Variants in RAD51B observed in about 807,000 individuals in gnomAD.
RAD51B encodes DNA repair protein RAD51 homolog 2.
In RAD51B, 38 loss-of-function variants were observed where a neutral mutation model predicts 42.2. That is an observed-to-expected ratio of 0.90 (90% CI 0.70 to 1.18). RAD51B has a LOEUF of 1.18. Among genes scored for constraint, RAD51B ranks in the 50% most tolerant of loss-of-function variants. The pLI is 0.00. For synonymous variants in RAD51B, 154 were observed against 145.2 expected, an observed-to-expected ratio of 1.06 and a Z score of -0.43; for missense variants, 373 against 400.7, an observed-to-expected ratio of 0.93 and a Z score of 0.59.
At chr14:68,282,967 G>A (rs1453208226) in intron 7 of RAD51B, among the ~76,000 whole-genome samples, 1 of 152,168 alleles carries the variant, frequency 6.6e-6, no homozygotes, top group Non-Finnish European at 1.5e-5. Context: ...AGGCTGAAGG[G>A]TATCAATGTT....
intron 10 of RAD51B, chr14:68,594,401 C>T: frequency 1.6e-6 from 2 of 1,272,882 alleles, no homozygotes; most frequent in Non-Finnish European, 2.1e-6. Context: ...TCTTCCTCAA[C>T]CATCCTCTTC....
intron 7 of RAD51B, among the ~76,000 whole-genome samples, chr14:68,032,444 C>G (rs532920045): frequency 6.6e-6 from 1 of 152,192 alleles, no homozygotes; most frequent in African/African-American, 2.4e-5. Context: ...TCTTTTCCAC[C>G]CCTTTCTCTC....
chr14:67,899,725 T>A (rs1215648828), intron 7 of RAD51B, among the ~76,000 whole-genome samples: 1 of 152,240 alleles, frequency 6.6e-6, no homozygotes, highest in Non-Finnish European at 1.5e-5. Context: ...TATTGATAAC[T>A]ACTTTTTTTG....
intron 7 of RAD51B, among the ~76,000 whole-genome samples, chr14:68,171,772 T>A (rs1378839671): frequency 6.6e-6 from 1 of 151,946 alleles, no homozygotes; most frequent in Non-Finnish European, 1.5e-5. Flanking sequence ...AATGGGGCGA[T>A]CTCGGTTCAC....
intron 9 of RAD51B, among the ~76,000 whole-genome samples, chr14:68,418,688 T>G (rs2084621830): frequency 6.6e-6 from 1 of 152,234 alleles, no homozygotes; most frequent in South Asian, 2.1e-4. Context: ...GAAACAGCTA[T>G]GAGATCTCTT....
chr14:67,825,661 GAAATA>G, intron 3 of RAD51B, 84 bp downstream of exon 3: 2 of 978,832 alleles, frequency 2.0e-6, no homozygotes, highest in Non-Finnish European at 2.9e-6. Flanking sequence ...GGCACATGCA[GAAATA>G]GAGATGAGTA....
chr14:68,108,357 G>A (rs551918022), intron 7 of RAD51B, among the ~76,000 whole-genome samples: 1 of 151,942 alleles, frequency 6.6e-6, no homozygotes, highest in South Asian at 2.1e-4. Flanking sequence ...GTCAGAAAGT[G>A]GAAACACCTA....
At chr14:67,891,361 A>T (rs1354143610) in intron 7 of RAD51B, among the ~76,000 whole-genome samples, 1 of 152,126 alleles carries the variant, frequency 6.6e-6, no homozygotes, top group African/African-American at 2.4e-5. Flanking sequence ...TGTGTTCTTG[A>T]TTACATGCCT....
At chr14:67,849,876 T>C (rs763151423) in intron 4 of RAD51B, among the ~76,000 whole-genome samples, 2 of 152,262 alleles carry the variant, frequency 1.3e-5, no homozygotes, top group Non-Finnish European at 2.9e-5. Context: ...TTTCTGAGTT[T>C]CCATTTTGGT....
chr14:68,206,151 G>A (rs1294703220), intron 7 of RAD51B, among the ~76,000 whole-genome samples: 4 of 151,976 alleles, frequency 2.6e-5, no homozygotes, highest in South Asian at 2.1e-4. Flanking sequence ...TTAAAAATTT[G>A]TCTGATGTTT....
At chr14:68,260,659 T>C (rs2080869531) in intron 7 of RAD51B, among the ~76,000 whole-genome samples, 1 of 152,136 alleles carries the variant, frequency 6.6e-6, no homozygotes, top group Admixed American at 6.5e-5. Context: ...TCCCTCCGGG[T>C]ATAGTCAAGA....
chr14:68,562,104 GT>G, intron 10 of RAD51B: 1 of 985,378 alleles, frequency 1.0e-6, no homozygotes, highest in Non-Finnish European at 1.2e-6. Flanking sequence ...CTTTTGGTTT[GT>G]CCTTTTTCTC....
At chr14:67,909,955 C>T (rs2043913326) in intron 7 of RAD51B, among the ~76,000 whole-genome samples, 1 of 152,030 alleles carries the variant, frequency 6.6e-6, no homozygotes, top group South Asian at 2.1e-4. Flanking sequence ...CACATGTGGC[C>T]AAAAAATACT....
chr14:68,319,212 A>G (rs1404762695), intron 8 of RAD51B, among the ~76,000 whole-genome samples: 1 of 152,242 alleles, frequency 6.6e-6, no homozygotes, highest in Non-Finnish European at 1.5e-5. Context: ...ATTCTTGGCC[A>G]CTGTTTAGGG....
chr14:68,593,789 C>T (rs766102722), intron 10 of RAD51B, among the ~76,000 whole-genome samples: 33 of 152,190 alleles, frequency 2.2e-4, no homozygotes, highest in Non-Finnish European at 3.8e-4. Context: ...CCCAGCATTC[C>T]CTCTGTCAAC....
intron 7 of RAD51B, among the ~76,000 whole-genome samples, chr14:68,002,389 T>C (rs2075501519): frequency 6.6e-6 from 1 of 152,188 alleles, no homozygotes; most frequent in African/African-American, 2.4e-5. Context: ...TGTTTTTTTT[T>C]CCTTGTAAAT....
intron 7 of RAD51B, among the ~76,000 whole-genome samples, chr14:67,990,332 T>C (rs1227269500): frequency 6.6e-6 from 1 of 152,168 alleles, no homozygotes; most frequent in Non-Finnish European, 1.5e-5. Flanking sequence ...ATGTCCCTAA[T>C]GGGATAGTCA....
chr14:67,846,432 TGGAGG>T (rs1280255574), intron 4 of RAD51B, among the ~76,000 whole-genome samples: 1 of 151,984 alleles, frequency 6.6e-6, no homozygotes, highest in Non-Finnish European at 1.5e-5. Flanking sequence ...GTGCCAGCGA[TGGAGG>T]GGAGGTGAGG....
rs1050963440 is a variant in RAD51B at position 68,510,630 on chromosome 14, A to G, written c.1036+42380A>G. 6.6e-5 allele frequency among the ~76,000 whole-genome samples: 10 copies of G among 152,334 alleles called. No homozygotes were observed. The East Asian group carries it at 1.9e-3, about 29-fold the overall frequency. Reference sequence around the variant, plus strand: ...CGTCAAAATCCTTTCATCAGCCATCAGCTGCCGTCCCGAGGCCTTCAGCAA... The same window carrying G: ...CGTCAAAATCCTTTCATCAGCCATCGGCTGCCGTCCCGAGGCCTTCAGCAA... On this transcript the variant is annotated intron_variant, in intron 10 of 10. Transcript: ENST00000487270.
Sources: allele counts gnomAD v4.1 joint callset (sites outside exome capture counted in the v4.1 genomes callset), GRCh38; gene constraint gnomAD v4.1.1; transcripts MANE v1.5; gene names NCBI Gene and HGNC (gene_info 2026-07-23, HGNC 2026-07-21).